Variants in CLIP4 observed in about 807,000 individuals in gnomAD.
CLIP4 encodes the protein CAP-Gly domain containing linker protein family member 4.
In CLIP4, 47 loss-of-function variants were observed where a neutral mutation model predicts 73.1. The observed-to-expected ratio is 0.64, with a 90% CI of 0.51 to 0.82. The LOEUF is 0.82. CLIP4 is among the 40% of genes least tolerant of loss of function. The probability of loss-of-function intolerance (pLI) is 0.00; values close to 1 mark genes in which losing one functional copy is unlikely to be tolerated. For synonymous variants in CLIP4, 306 were observed against 295.4 expected, an observed-to-expected ratio of 1.04 and a Z score of -0.37; for missense variants, 874 against 852.9, an observed-to-expected ratio of 1.02 and a Z score of -0.31.
rs1011377100 is a variant in CLIP4 at position 29,131,259 on chromosome 2, A to T, written c.135A>T (p.Glu45Asp). 1 of 1,591,472 alleles carries T rather than the reference A, an allele frequency of 6.3e-7. No individual in the cohort carries two copies. Among genetic ancestry groups the T allele is most frequent in the African/African-American group, 1.4e-5 (1 of 73,798 alleles). ...ISAAPMPSDC[E>D]FSFFDPNDAS... ...AATTTGCATCTTTTTTTATTTCAGAATTTTCTTTCTTTGATCCTAATGATG... is the reference window on the plus strand; with the variant it reads ...AATTTGCATCTTTTTTTATTTCAGATTTTTCTTTCTTTGATCCTAATGATG... The change falls in exon 3 of 16, where the codon GAA becomes GAT. Residue 45 changes from glutamate (E) to aspartate (D), a missense_variant and splice_region_variant. Coordinates refer to ENST00000320081, the MANE Select transcript of CLIP4 (RefSeq NM_024692.6).
chr2:29,175,422 T>C lies in CLIP4; in HGVS notation c.1796+977T>C, dbSNP rs781686973. On this transcript the variant is annotated intron_variant, in intron 15 of 15. Coordinates refer to ENST00000320081, the MANE Select transcript of CLIP4 (RefSeq NM_024692.6). Reference sequence around the variant, plus strand: ...AGTTTATGCTCCAGTTTATTGAAGATATTCAAGAGTTCTTAGGCAGAATGG... The same window carrying C: ...AGTTTATGCTCCAGTTTATTGAAGACATTCAAGAGTTCTTAGGCAGAATGG... 8 of 152,184 alleles carry C rather than the reference T, an allele frequency of 5.3e-5. 1 individual carries two copies. Among genetic ancestry groups the C allele is most frequent in the Non-Finnish European group, 8.8e-5 (6 of 68,048 alleles). 9.4% of individuals were successfully genotyped at this position (152,184 alleles called of 1,614,324 possible).
At chr2:29,127,838 A>ATGAAC (rs1664708579) in intron 2 of CLIP4, among the ~76,000 whole-genome samples, 1 of 152,178 alleles carries the variant, frequency 6.6e-6, no homozygotes, top group African/African-American at 2.4e-5. Flanking sequence ...AAGATTTAAA[A>ATGAAC]TGTCCATAGT....
At chr2:29,179,887 T>C (rs1231836933) in intron 15 of CLIP4, among the ~76,000 whole-genome samples, 4 of 152,250 alleles carry the variant, frequency 2.6e-5, no homozygotes, top group Non-Finnish European at 5.9e-5. Flanking sequence ...GACTATTTTC[T>C]AATTAGAATT....
At chr2:29,153,028 C>CT (rs1290301001) in intron 9 of CLIP4, among the ~76,000 whole-genome samples, 200 bp downstream of exon 9, 2 of 152,068 alleles carry the variant, frequency 1.3e-5, no homozygotes, top group African/African-American at 4.8e-5. Context: ...TTGTTCCTTC[C>CT]TTTTTTCTCT....
intron 4 of CLIP4, 187 bp downstream of exon 4, chr2:29,132,432 A>C: frequency 1.7e-6 from 1 of 593,432 alleles, no homozygotes; most frequent in South Asian, 2.1e-5. Flanking sequence ...AGGTCTTTAT[A>C]CCCTCCTGAT....
At chr2:29,129,508 A>G (rs1251672585) in intron 2 of CLIP4, among the ~76,000 whole-genome samples, 4 of 151,984 alleles carry the variant, frequency 2.6e-5, no homozygotes, top group Non-Finnish European at 4.4e-5. Context: ...AATTTTAGCC[A>G]TGTGTCAATT....
intron 9 of CLIP4, among the ~76,000 whole-genome samples, chr2:29,155,516 G>A (rs1217645581): frequency 2.0e-5 from 3 of 152,104 alleles, no homozygotes; most frequent in Non-Finnish European, 4.4e-5. Context: ...TTATACCACA[G>A]TTTTGCAAAA....
chr2:29,142,282 A>G (rs541082943), intron 6 of CLIP4, among the ~76,000 whole-genome samples: 134 of 151,598 alleles, frequency 8.8e-4, no homozygotes, highest in Non-Finnish European at 1.6e-3. Context: ...CGTCATTGTT[A>G]TTTTATTATT....
At chr2:29,158,895 A>G (rs1402434201) in intron 11 of CLIP4, among the ~76,000 whole-genome samples, 1 of 152,168 alleles carries the variant, frequency 6.6e-6, no homozygotes, top group Non-Finnish European at 1.5e-5. Flanking sequence ...TTGGCCTCCT[A>G]AAGTGCTGGG....
At chr2:29,121,888 A>G (rs1342188880) in intron 2 of CLIP4, among the ~76,000 whole-genome samples, 1 of 152,222 alleles carries the variant, frequency 6.6e-6, no homozygotes, top group East Asian at 1.9e-4. Flanking sequence ...AAAGAGGGTA[A>G]GAGACCCTTC....
chr2:29,103,880 A>AT (rs893363503), intron 1 of CLIP4, among the ~76,000 whole-genome samples: 88 of 149,648 alleles, frequency 5.9e-4, no homozygotes, highest in African/African-American at 1.8e-3. Flanking sequence ...TGCCCAGTTA[A>AT]TTTTTTTTTT....
chr2:29,131,717 A>AT, intron 3 of CLIP4: 1 of 251,716 alleles, frequency 4.0e-6, no homozygotes, highest in South Asian at 1.0e-4. Flanking sequence ...ATCATGTTCT[A>AT]TTTACACTTT....
At chr2:29,128,599 C>G (rs1664769081) in intron 2 of CLIP4, among the ~76,000 whole-genome samples, 1 of 152,144 alleles carries the variant, frequency 6.6e-6, no homozygotes, top group Non-Finnish European at 1.5e-5. Flanking sequence ...AATCTCCCAT[C>G]AAGAGCAGGC....
chr2:29,144,125 T>C (rs1665984816), intron 7 of CLIP4, among the ~76,000 whole-genome samples, 180 bp downstream of exon 7: 1 of 152,188 alleles, frequency 6.6e-6, no homozygotes, highest in Non-Finnish European at 1.5e-5. Context: ...GCTTTAAGAA[T>C]ATAAACTACT....
At chr2:29,161,439 T>A (rs1295328808) in intron 12 of CLIP4, among the ~76,000 whole-genome samples, 1 of 151,818 alleles carries the variant, frequency 6.6e-6, no homozygotes, top group Non-Finnish European at 1.5e-5. Flanking sequence ...AAAAAAAGTT[T>A]GTAGCATTTA....
intron 14 of CLIP4, among the ~76,000 whole-genome samples, chr2:29,171,753 T>G (rs1341365264): frequency 6.6e-6 from 1 of 151,978 alleles, no homozygotes; most frequent in African/African-American, 2.4e-5. Context: ...CTCCTGACCT[T>G]GTGATCTGCC....
rs1347831044 is a variant in CLIP4 at position 29,152,779 on chromosome 2, C to T, written c.1116C>T (p.Ile372=). ...CTACAAAAGCTGCTGTACCTCTCAT[C>T]AGGTCCCAGAAAATTGACGTAGCTC... The part of the protein sequence containing the change: ...TPSTKAAVPL[I]RSQKIDVAHV... Residue 372 remains isoleucine (I), a synonymous_variant, in exon 9 of 16, where the codon ATC becomes ATT. Coordinates refer to ENST00000320081, the MANE Select transcript of CLIP4 (RefSeq NM_024692.6). The T allele has an allele frequency of 1.2e-6, 2 of 1,613,862 alleles. No individual in the cohort carries two copies. The highest frequency in any genetic ancestry group is 1.7e-5 in the Admixed American group (1 of 59,990).
upstream of CLIP4, among the ~76,000 whole-genome samples, chr2:29,111,967 C>T (rs150996179): frequency 7.4e-3 from 1,126 of 152,282 alleles, 12 homozygotes; most frequent in African/African-American, 0.026. Context: ...GGGCTCTCAA[C>T]TTTATTTTTC....
At chr2:29,112,400 A>G (rs1262152019), upstream of CLIP4, among the ~76,000 whole-genome samples, 1 of 152,164 alleles carries the variant, frequency 6.6e-6, no homozygotes, top group Non-Finnish European at 1.5e-5. Flanking sequence ...TCAATATTTT[A>G]TGTCCTTAAA....
Sources: allele counts gnomAD v4.1 joint callset (sites outside exome capture counted in the v4.1 genomes callset), GRCh38; gene constraint gnomAD v4.1.1; transcripts MANE v1.5; gene names NCBI Gene and HGNC (gene_info 2026-07-23, HGNC 2026-07-21).